The following YTHDC2 variants were observed in gnomAD, a reference collection of about 807,000 sequenced individuals.
The protein encoded by YTHDC2 is YTH N6-methyladenosine RNA binding protein C2, also known as 3'-5' RNA helicase YTHDC2.
In YTHDC2, 45 loss-of-function variants were observed where a neutral mutation model predicts 174.9. The observed-to-expected ratio is 0.26, with a 90% CI of 0.20 to 0.33. YTHDC2 has a LOEUF of 0.33. Among genes scored for constraint, YTHDC2 ranks in the 10% least tolerant of loss-of-function variants. The probability of loss-of-function intolerance (pLI) is 1.00; values close to 1 mark genes in which losing one functional copy is unlikely to be tolerated. For synonymous variants in YTHDC2, 657 were observed against 574.5 expected, an observed-to-expected ratio of 1.14 and a Z score of -2.05; for missense variants, 1,650 against 1,723.7, an observed-to-expected ratio of 0.96 and a Z score of 0.76.
At chr5:113,577,247 A>AG (rs1206626538) in intron 23 of YTHDC2, among the ~76,000 whole-genome samples, 2 of 152,132 alleles carry the variant, frequency 1.3e-5, no homozygotes, top group Non-Finnish European at 2.9e-5. Context: ...CTCTAGCTGT[A>AG]ACTCTTTACT....
At chr5:113,560,159 G>A (rs889283539) in intron 17 of YTHDC2, among the ~76,000 whole-genome samples, 6 of 152,108 alleles carry the variant, frequency 3.9e-5, no homozygotes, top group African/African-American at 1.4e-4. Context: ...CCACCTTATA[G>A]TCCTGGCTTG....
chr5:113,514,401 T>C, intron 1 of YTHDC2: 1 of 547,030 alleles, frequency 1.8e-6, no homozygotes, highest in Non-Finnish European at 3.5e-6. Flanking sequence ...GCCCTAACCC[T>C]TTTTAAGGGG....
intron 23 of YTHDC2, among the ~76,000 whole-genome samples, chr5:113,578,297 G>C (rs538433047): frequency 5.6e-4 from 85 of 152,208 alleles, no homozygotes; most frequent in Non-Finnish European, 1.1e-3. Flanking sequence ...CAAGGCTCAA[G>C]TGATCCTCCC....
intron 2 of YTHDC2, among the ~76,000 whole-genome samples, chr5:113,520,742 A>G (rs1301037573): frequency 6.6e-6 from 1 of 152,184 alleles, no homozygotes; most frequent in Non-Finnish European, 1.5e-5. Context: ...GCATGCCTCC[A>G]TTTGTGTACT....
At chr5:113,562,994 C>T (rs1182158160) in intron 18 of YTHDC2, among the ~76,000 whole-genome samples, 3 of 151,978 alleles carry the variant, frequency 2.0e-5, no homozygotes, top group African/African-American at 7.3e-5. Context: ...CAGGGCCTTG[C>T]ACTTAGAAAG....
chr5:113,571,378 G>A (rs1482911668), intron 23 of YTHDC2, among the ~76,000 whole-genome samples: 1 of 152,152 alleles, frequency 6.6e-6, no homozygotes, highest in Non-Finnish European at 1.5e-5. Context: ...TATTTGGTTT[G>A]CCCATATTTT....
At chr5:113,526,502 G>C in intron 3 of YTHDC2, 84 bp from the exon 4 acceptor site, 1 of 1,153,010 alleles carries the variant, frequency 8.7e-7, no homozygotes, top group Non-Finnish European at 1.2e-6. Context: ...GTTTTTCTAG[G>C]TTTGGCAAAA....
Position 113,548,627 on chromosome 5 carries a change from A to G in YTHDC2, c.1582A>G (p.Ser528Gly), listed in dbSNP as rs1405241373. 1.2e-6 allele frequency: 2 copies of G among 1,613,380 alleles called. No homozygotes were observed. The highest frequency in any genetic ancestry group is 2.2e-5 in the East Asian group (1 of 44,844). ...GFASQVEQLI[S>G]MGANVHSKAS... ...TGCAAGTCAAGTAGAACAGTTAATC[A>G]GTATGGGAGCCAATGTCCATAGTAA... Residue 528 changes from serine to glycine, a missense_variant, in exon 11 of 30, where the codon AGT becomes GGT. Physicochemically the swap from Ser to Gly is moderately conservative, Grantham distance 56 (BLOSUM62 0). Transcript: ENST00000161863.
Position 113,593,396 on chromosome 5 carries a change from A to T in YTHDC2, c.*7+6A>T, listed in dbSNP as rs1221870109. 6.2e-7 allele frequency: 1 copy of T among 1,602,364 alleles called. No individual in the cohort carries two copies. The highest frequency in any genetic ancestry group is 1.7e-5 in the Admixed American group (1 of 59,536). ...CACAACTGATTGACACTCAGGTTAT[A>T]CCATCTTGACTTTGAGTATTGGCAG... On this transcript the variant is annotated splice_donor_region_variant and intron_variant, in intron 29 of 29. Coordinates refer to ENST00000161863, the MANE Select transcript of YTHDC2 (RefSeq NM_022828.5).
rs1383789994 is a variant in YTHDC2 at position 113,582,348 on chromosome 5, GCAATT to G, written c.3647+640_3647+644del. On this transcript the variant is annotated intron_variant, in intron 25 of 29. Transcript: ENST00000161863. The stretch of plus-strand genomic sequence containing the variant: ...AGCCAAATTCTTCTTTTCTTCTTTT[GCAATT>G]AAATGTGGTGGTGTTTTTGTTTATT... The G allele has an allele frequency of 2.0e-5, 3 of 152,178 alleles. No homozygotes were observed. In the East Asian group the frequency reaches 5.8e-4, roughly 29 times the overall value. The allele number at this position is 152,178 out of a possible 1,614,324, so 9.4% of individuals were successfully genotyped here.
intron 23 of YTHDC2, among the ~76,000 whole-genome samples, chr5:113,574,453 G>A (rs902315290): frequency 6.6e-6 from 1 of 152,224 alleles, no homozygotes; most frequent in African/African-American, 2.4e-5. Context: ...TCAGGGACCT[G>A]TACAAAGAAG....
In YTHDC2 at chr5:113,526,744, G is replaced by C. The variant is rs144411049; in HGVS notation, c.634G>C (p.Val212Leu). ...TAAAATAATTAAGGAAAATAAAGTA[G>C]TTTTGATTGTAGGAGAAACTGGGTC... ...IVKIIKENKV[V>L]LIVGETGSGK... Residue 212 changes from valine (V) to leucine (L), a missense_variant, in exon 4 of 30, where the codon GTT becomes CTT. Physicochemically the swap from Val to Leu is conservative, Grantham distance 32 (BLOSUM62 1). Around this residue, in one of 5 missense-constraint regions of YTHDC2, gnomAD observed 304 missense variants for 341.4 expected, o/e 0.89. Coordinates refer to ENST00000161863, the MANE Select transcript of YTHDC2 (RefSeq NM_022828.5). 408 of 1,539,412 alleles carry C rather than the reference G, an allele frequency of 2.7e-4. No homozygotes were observed. Among genetic ancestry groups the C allele is most frequent in the Non-Finnish European group, 2.7e-4 (303 of 1,140,848 alleles).
chr5:113,532,002 A>G (rs902226976), intron 4 of YTHDC2, among the ~76,000 whole-genome samples: 2 of 152,202 alleles, frequency 1.3e-5, no homozygotes, highest in African/African-American at 4.8e-5. Context: ...ATATCTTTCT[A>G]AAACTCTGGA....
chr5:113,552,702 G>C (rs187904250), intron 12 of YTHDC2, among the ~76,000 whole-genome samples: 2 of 152,044 alleles, frequency 1.3e-5, no homozygotes, highest in East Asian at 3.9e-4. Context: ...GGGGCATATG[G>C]TAACTCTATG....
intron 23 of YTHDC2, among the ~76,000 whole-genome samples, chr5:113,574,163 T>G (rs111675777): frequency 0.036 from 5,510 of 152,226 alleles, 143 homozygotes; most frequent in African/African-American, 0.071. Context: ...TCTGTTGATG[T>G]TGTTGTTGTT....
chr5:113,566,156 G>C, intron 21 of YTHDC2, 137 bp downstream of exon 21: 1 of 1,043,148 alleles, frequency 9.6e-7, no homozygotes, highest in East Asian at 2.8e-5. Context: ...ATTCATGCAT[G>C]ATTTGTAGAC....
chr5:113,522,168 T>A (rs1486248444), intron 2 of YTHDC2, among the ~76,000 whole-genome samples: 3 of 150,714 alleles, frequency 2.0e-5, no homozygotes, highest in Non-Finnish European at 3.0e-5. Context: ...TGGTGGTTGT[T>A]GTTTGTTTTT....
intron 23 of YTHDC2, among the ~76,000 whole-genome samples, 176 bp from the exon 24 acceptor site, chr5:113,579,410 T>TC (rs2112784834): frequency 6.6e-6 from 1 of 152,326 alleles, no homozygotes; most frequent in South Asian, 2.1e-4. Context: ...CCCTTTTTTT[T>TC]CCTTTTAAAT....
chr5:113,561,957 G>GGGGTGTGTGTGTGTGT (rs1554099023), intron 18 of YTHDC2, among the ~76,000 whole-genome samples: 1 of 134,872 alleles, frequency 7.4e-6, no homozygotes, highest in Admixed American at 7.7e-5. Context: ...ATTAATTGTG[G>GGGGTGTGTGTGTGTGT]GTGTGTGTGT....
Sources: gnomAD v4.1 joint callset for allele counts (sites outside exome capture counted in the v4.1 genomes callset) on GRCh38, gnomAD v4.1.1 for gene constraint, gnomAD v4.1.1 regional missense constraint, MANE v1.5 for transcripts, NCBI Gene and HGNC (gene_info 2026-07-23, HGNC 2026-07-21) for gene names.